Variants in USH2A observed in about 807,000 individuals in gnomAD.
The protein encoded by USH2A is usherin.
In USH2A, 443 loss-of-function variants were observed where a neutral mutation model predicts 538.9. The ratio of observed to expected loss-of-function variants is 0.82; its 90% confidence interval spans 0.76 to 0.89. The LOEUF is 0.89. USH2A is among the 40% of genes least tolerant of loss of function. USH2A has a pLI of 0.00. For missense variants in USH2A, 6,633 were observed against 6,324.8 expected, an observed-to-expected ratio of 1.05 and a Z score of -1.65; for synonymous variants, 2,413 against 2,273.5, an observed-to-expected ratio of 1.06 and a Z score of -1.75.
chr1:215,747,670 A>G (rs1159095417), intron 58 of USH2A, among the ~76,000 whole-genome samples: 2 of 152,170 alleles, frequency 1.3e-5, no homozygotes, highest in African/African-American at 4.8e-5. Flanking sequence ...AGATTGAAGA[A>G]GGAATCGGGG....
chr1:215,988,868 A>C lies in USH2A; in HGVS notation c.6805+4152T>G, dbSNP rs144241279. On this transcript the variant is annotated intron_variant, in intron 35 of 71. Coordinates refer to ENST00000307340, the MANE Select transcript of USH2A (RefSeq NM_206933.4). The stretch of plus-strand genomic sequence containing the variant: ...AGCACAGACACTGTGGAGCAGGACC[A>C]GGCTGGGAGACAAGGAAGAGAACTG... Among the ~76,000 whole-genome samples the C allele has an allele frequency of 3.1e-3, 470 of 152,318 alleles. 3 individuals are homozygous for C. The highest frequency in any genetic ancestry group is 6.8e-3 in the Middle Eastern group (2 of 294).
At chr1:215,967,173 CT>C (rs1368683660) in intron 36 of USH2A, among the ~76,000 whole-genome samples, 1 of 152,002 alleles carries the variant, frequency 6.6e-6, no homozygotes. Flanking sequence ...CATTGTAATT[CT>C]TTTGTTTGTT....
At chr1:215,827,532 A>G (rs1402786948) in intron 47 of USH2A, among the ~76,000 whole-genome samples, 2 of 152,148 alleles carry the variant, frequency 1.3e-5, no homozygotes, top group Admixed American at 6.6e-5. Flanking sequence ...CTATATTCTG[A>G]CACTATTCTA....
At chr1:216,218,227 C>T (rs942600111) in intron 14 of USH2A, among the ~76,000 whole-genome samples, 17 of 152,076 alleles carry the variant, frequency 1.1e-4, no homozygotes, top group Non-Finnish European at 2.1e-4. Flanking sequence ...AGTAAGATAA[C>T]TTTAGTGCAA....
chr1:216,359,201 T>C (rs1241574167), intron 4 of USH2A, among the ~76,000 whole-genome samples: 1 of 152,092 alleles, frequency 6.6e-6, no homozygotes, highest in Admixed American at 6.6e-5. Context: ...ACTAAAGTAA[T>C]ACGGTCTTCA....
chr1:215,813,966 A>G, intron 48 of USH2A, 62 bp from the exon 49 acceptor site: 2 of 1,519,826 alleles, frequency 1.3e-6, no homozygotes, highest in Non-Finnish European at 1.8e-6. Flanking sequence ...ATACCACTGT[A>G]TCTCATGTAA....
chr1:216,421,172 A>T (rs2039669779), intron 2 of USH2A, among the ~76,000 whole-genome samples: 1 of 152,180 alleles, frequency 6.6e-6, no homozygotes, highest in African/African-American at 2.4e-5. Context: ...GGCAGTAATA[A>T]GACCCAGACT....
intron 3 of USH2A, among the ~76,000 whole-genome samples, chr1:216,409,741 A>C (rs2039454184): frequency 6.6e-6 from 1 of 152,178 alleles, no homozygotes; most frequent in Non-Finnish European, 1.5e-5. Context: ...AGTTGGAATA[A>C]AGACTTAAAC....
intron 9 of USH2A, among the ~76,000 whole-genome samples, chr1:216,310,904 C>A (rs896710301): frequency 6.6e-6 from 1 of 152,170 alleles, no homozygotes; most frequent in Admixed American, 6.5e-5. Context: ...TGTGGACATA[C>A]ATCTATGTCT....
chr1:216,305,928 T>G (rs911644086), intron 9 of USH2A, among the ~76,000 whole-genome samples: 5 of 152,318 alleles, frequency 3.3e-5, no homozygotes, highest in African/African-American at 9.6e-5. Context: ...TGCTTTTGCC[T>G]CACAGCTCTT....
rs554071230 is a variant in USH2A at position 216,291,664 on chromosome 1, A to G, written c.1840+511T>C. On this transcript the variant is annotated intron_variant, in intron 10 of 71. Coordinates refer to ENST00000307340, the MANE Select transcript of USH2A (RefSeq NM_206933.4). ...GATGGTATTTTTCAATGACTAGTCA[A>G]AGGCTTTGTAGTTTTAGAACAGGAC... Among the ~76,000 whole-genome samples the G allele has an allele frequency of 1.1e-4, 17 of 152,318 alleles. No individual in the cohort carries two copies. In the South Asian group the frequency reaches 2.7e-3, roughly 24 times the overall value.
At chr1:215,858,624 A>G (rs921909920) in intron 44 of USH2A, among the ~76,000 whole-genome samples, 3 of 151,478 alleles carry the variant, frequency 2.0e-5, no homozygotes, top group African/African-American at 7.3e-5. Flanking sequence ...ATATTTCTTT[A>G]TAGCAATGTG....
rs569311373 is a variant in USH2A, at chr1:215,757,603, A to G, written c.11389+992T>C. Among the ~76,000 whole-genome samples the G allele has an allele frequency of 6.3e-4, 96 of 152,354 alleles. No homozygotes were observed. The South Asian group carries it at 6.4e-3, about 10-fold the overall frequency. The stretch of plus-strand genomic sequence containing the variant: ...CACATAATTTTGAAGTGTTTTTAAC[A>G]TCTTAACCATTTTTAAATTTTACTT... On this transcript the variant is annotated intron_variant, in intron 58 of 71. Coordinates refer to ENST00000307340, the MANE Select transcript of USH2A (RefSeq NM_206933.4).
chr1:215,807,485 G>A (rs1662536194), intron 49 of USH2A, among the ~76,000 whole-genome samples: 2 of 152,102 alleles, frequency 1.3e-5, no homozygotes, highest in African/African-American at 4.8e-5. Flanking sequence ...TGTCAATAGT[G>A]GTAGCATACA....
At position 216,325,321 on chromosome 1, in the gene USH2A, T is replaced by C. The variant is rs2037707043; in HGVS notation, c.1127A>G (p.Glu376Gly). ...NQGVTISVDL[E>G]NGQYQVFYII... ...TCTCATTACCTGATACTGTCCATTTTCCAAATCAACTGAAATAGTCACTCC... is the reference window on the plus strand; with the variant it reads ...TCTCATTACCTGATACTGTCCATTTCCCAAATCAACTGAAATAGTCACTCC... Residue 376 changes from glutamate to glycine, a missense_variant, in exon 6 of 72, where the codon GAA (glutamate) becomes GGA (glycine). Transcript: ENST00000307340. 1 of 1,613,800 alleles carries C rather than the reference T, an allele frequency of 6.2e-7. No homozygotes were observed. Among genetic ancestry groups the C allele is most frequent in the Non-Finnish European group, 8.5e-7 (1 of 1,179,842 alleles).
At chr1:215,667,105 A>T (rs368291620) in intron 64 of USH2A, among the ~76,000 whole-genome samples, 1 of 152,050 alleles carries the variant, frequency 6.6e-6, no homozygotes, top group African/African-American at 2.4e-5. Context: ...AAGAAAAAAA[A>T]TACTGGTTGC....
intron 55 of USH2A, among the ~76,000 whole-genome samples, chr1:215,768,138 A>G (rs919275639): frequency 6.6e-6 from 1 of 152,070 alleles, no homozygotes; most frequent in Non-Finnish European, 1.5e-5. Context: ...AAAAATTTTG[A>G]CCACTTTATC....
intron 61 of USH2A, among the ~76,000 whole-genome samples, chr1:215,706,195 A>C (rs1201276407): frequency 6.6e-6 from 1 of 152,166 alleles, no homozygotes; most frequent in Non-Finnish European, 1.5e-5. Context: ...GGTATGCTGG[A>C]TATTGCCTCA....
chr1:216,145,962 G>A (rs138581200), intron 21 of USH2A, among the ~76,000 whole-genome samples: 30,679 of 151,576 alleles, frequency 0.2, 3,063 homozygotes, highest in Admixed American at 0.24. Flanking sequence ...CTCTCTTTTC[G>A]GACTCAGCCC....
Sources: gnomAD v4.1 joint callset for allele counts (sites outside exome capture counted in the v4.1 genomes callset) on GRCh38, gnomAD v4.1.1 for gene constraint, MANE v1.5 for transcripts, NCBI Gene and HGNC (gene_info 2026-07-23, HGNC 2026-07-21) for gene names.